EXT1: variants seen among roughly 807,000 people sequenced by gnomAD.
EXT1 encodes exostosin glycosyltransferase 1, also known as exostosin-1.
In EXT1, 20 loss-of-function variants were observed where a neutral mutation model predicts 82.5. That is an observed-to-expected ratio of 0.24 (90% CI 0.17 to 0.35). The LOEUF (loss-of-function observed/expected upper bound fraction) is 0.35. Among genes scored for constraint, EXT1 ranks in the 10% least tolerant of loss-of-function variants. The pLI, the probability that EXT1 is intolerant of heterozygous loss-of-function variation, is 1.00. For missense variants in EXT1, 757 were observed against 936.5 expected (o/e 0.81, Z 2.50); for synonymous variants, 348 against 350.8 (o/e 0.99, Z 0.09).
intron 1 of EXT1, among the ~76,000 whole-genome samples, chr8:117,914,371 G>A (rs776116644): frequency 7.2e-5 from 11 of 152,124 alleles, no homozygotes; most frequent in East Asian, 1.9e-4. Flanking sequence ...ATTGTAAAAC[G>A]TGTGTTTGAA....
intron 1 of EXT1, among the ~76,000 whole-genome samples, chr8:117,841,827 A>T (rs1312913527): frequency 6.6e-6 from 1 of 152,228 alleles, no homozygotes; most frequent in Non-Finnish European, 1.5e-5. Context: ...AAAATGGACT[A>T]TGCAATAATG....
intron 1 of EXT1, among the ~76,000 whole-genome samples, chr8:118,070,655 T>C (rs1207425497): frequency 6.6e-6 from 1 of 152,196 alleles, no homozygotes; most frequent in Non-Finnish European, 1.5e-5. Flanking sequence ...CTTTTATGAC[T>C]TAATTAAGTG....
rs555480644 is a variant in EXT1 at position 118,103,552 on chromosome 8, C to CA, written c.962+6532dup. On this transcript the variant is annotated intron_variant, in intron 1 of 10. Coordinates refer to ENST00000378204, the MANE Select transcript of EXT1 (RefSeq NM_000127.3). ...GTATGTTCCAGAAACAGAATATTCC[C>CA]ATAGGCCTTTCATTTCTATTCTATT... is the stretch of plus-strand genomic sequence containing the variant. Among the ~76,000 whole-genome samples, 15 of 152,230 alleles carry CA rather than the reference C, an allele frequency of 9.9e-5. 1 individual carries two copies. In the South Asian group the frequency reaches 3.1e-3, roughly 32 times the overall value.
intron 1 of EXT1, among the ~76,000 whole-genome samples, chr8:117,923,492 C>T (rs1433562989): frequency 6.0e-5 from 9 of 151,178 alleles, no homozygotes; most frequent in Admixed American, 2.0e-4. Context: ...CCAAGGCGGG[C>T]AGATCACGAG....
At chr8:117,883,247 G>A (rs1022338971) in intron 1 of EXT1, among the ~76,000 whole-genome samples, 1 of 152,182 alleles carries the variant, frequency 6.6e-6, no homozygotes, top group Non-Finnish European at 1.5e-5. Flanking sequence ...TTTCTTTTGA[G>A]TATCGGAACA....
chr8:118,107,097 G>A (rs752579802), intron 1 of EXT1, among the ~76,000 whole-genome samples: 14 of 152,128 alleles, frequency 9.2e-5, no homozygotes, highest in Middle Eastern at 3.4e-3. Flanking sequence ...ATTCTTTATC[G>A]ACACATAATA....
chr8:117,890,973 T>A (rs761578249), intron 1 of EXT1, among the ~76,000 whole-genome samples: 20 of 152,218 alleles, frequency 1.3e-4, no homozygotes, highest in Non-Finnish European at 2.9e-4. Flanking sequence ...CTACTCCCAG[T>A]GCCATGCTAT....
chr8:117,831,482 T>C (rs1812097416), intron 3 of EXT1: 2 of 426,410 alleles, frequency 4.7e-6, no homozygotes, highest in African/African-American at 4.1e-5. Flanking sequence ...CTGAGTCTGG[T>C]AAGTTTTCTG....
chr8:117,951,200 T>A (rs1814484844), intron 1 of EXT1, among the ~76,000 whole-genome samples: 1 of 152,142 alleles, frequency 6.6e-6, no homozygotes, highest in African/African-American at 2.4e-5. Context: ...AGAACAGAAA[T>A]AACTTGGCAA....
intron 1 of EXT1, among the ~76,000 whole-genome samples, chr8:117,852,946 A>G (rs1812480987): frequency 6.6e-6 from 1 of 152,272 alleles, no homozygotes; most frequent in Non-Finnish European, 1.5e-5. Flanking sequence ...GGAGAGACTC[A>G]TGGTTCTGTG....
At position 118,035,511 on chromosome 8, in the gene EXT1, GA is replaced by G. The variant is rs958077196; in HGVS notation, c.962+74573del. Among the ~76,000 whole-genome samples, 26 of 149,810 alleles carry G rather than the reference GA, an allele frequency of 1.7e-4. 1 individual carries two copies. Among genetic ancestry groups the G allele is most frequent in the African/African-American group, 2.9e-4 (12 of 40,876 alleles). ...TGTATAATAATTAAAGGAATAAATA[GA>G]AAAAAAAAGGTATTTCAAAAAAAAC... On this transcript the variant is annotated intron_variant, in intron 1 of 10. Coordinates refer to ENST00000378204, the MANE Select transcript of EXT1 (RefSeq NM_000127.3).
At chr8:117,934,812 G>T (rs1814127981) in intron 1 of EXT1, among the ~76,000 whole-genome samples, 1 of 152,090 alleles carries the variant, frequency 6.6e-6, no homozygotes, top group South Asian at 2.1e-4. Flanking sequence ...TTTTTTTTAA[G>T]CACAGAATCT....
intron 6 of EXT1, 28 bp downstream of exon 6, chr8:117,819,647 AG>A: frequency 6.3e-7 from 1 of 1,588,964 alleles, no homozygotes; most frequent in Non-Finnish European, 8.6e-7. Context: ...TGGAGCAGGC[AG>A]GGGCTTCTCT....
At chr8:118,103,248 G>C (rs1586275731) in intron 1 of EXT1, among the ~76,000 whole-genome samples, 1 of 152,182 alleles carries the variant, frequency 6.6e-6, no homozygotes, top group Non-Finnish European at 1.5e-5. Flanking sequence ...CCAGACTCAA[G>C]CAATCCTCCC....
At chr8:118,041,665 A>ATAAG (rs1808255896) in intron 1 of EXT1, among the ~76,000 whole-genome samples, 1 of 125,128 alleles carries the variant, frequency 8.0e-6, no homozygotes, top group Admixed American at 8.3e-5. Flanking sequence ...AGAGAGAGAA[A>ATAAG]GAAGGAAGGA....
intron 1 of EXT1, among the ~76,000 whole-genome samples, chr8:118,011,676 A>G (rs1368266733): frequency 6.6e-6 from 1 of 152,222 alleles, no homozygotes; most frequent in Non-Finnish European, 1.5e-5. Flanking sequence ...TGTCTGATCC[A>G]AAATTCCCTG....
At chr8:117,973,950 G>C (rs1815013881) in intron 1 of EXT1, among the ~76,000 whole-genome samples, 2 of 147,756 alleles carry the variant, frequency 1.4e-5, no homozygotes, top group African/African-American at 5.0e-5. Flanking sequence ...AGGAAGGAAG[G>C]AAGGAAGGAA....
chr8:117,879,589 T>C (rs1001874345), intron 1 of EXT1, among the ~76,000 whole-genome samples: 1 of 152,190 alleles, frequency 6.6e-6, no homozygotes, highest in Non-Finnish European at 1.5e-5. Context: ...TGAATTTTTG[T>C]TATGCATCAA....
chr8:118,049,833 C>T (rs1467931407), intron 1 of EXT1, among the ~76,000 whole-genome samples: 6 of 151,862 alleles, frequency 4.0e-5, no homozygotes, highest in Non-Finnish European at 7.4e-5. Context: ...CTGAAGCTGG[C>T]GAAGGCAGCC....
Sources: gnomAD v4.1 joint callset for allele counts (sites outside exome capture counted in the v4.1 genomes callset) on GRCh38, gnomAD v4.1.1 for gene constraint, MANE v1.5 for transcripts, NCBI Gene and HGNC (gene_info 2026-07-23, HGNC 2026-07-21) for gene names.